Variants in TADA2A observed in about 807,000 individuals in gnomAD.
TADA2A encodes the protein transcriptional adaptor 2A, also known as transcriptional adapter 2-alpha.
TADA2A carries 38 observed loss-of-function variants against 67.4 expected under a neutral mutation model. That is an observed-to-expected ratio of 0.56 (90% CI 0.44 to 0.74). The LOEUF is 0.74. Ranked by LOEUF, TADA2A falls within the 30% of genes least tolerant of loss-of-function variation. The pLI is 0.00. For synonymous variants in TADA2A, 192 were observed against 181.6 expected (o/e 1.06, Z -0.46); for missense variants, 454 against 547.0 (o/e 0.83, Z 1.70).
chr17:37,451,607 C>T (rs1249063107), intron 8 of TADA2A, among the ~76,000 whole-genome samples: 1 of 152,154 alleles, frequency 6.6e-6, no homozygotes, highest in African/African-American at 2.4e-5. Flanking sequence ...CAGGTGTGAG[C>T]CACCATGCCT....
chr17:37,437,897 AAAGG>A, intron 5 of TADA2A, 68 bp downstream of exon 5: 5 of 1,437,964 alleles, frequency 3.5e-6, no homozygotes, highest in Non-Finnish European at 4.9e-6. Flanking sequence ...GTTGAAGAGT[AAAGG>A]AAGGAACCTC....
At chr17:37,426,744 C>A in intron 3 of TADA2A, 1 of 375,240 alleles carries the variant, frequency 2.7e-6, no homozygotes, top group Non-Finnish European at 4.8e-6. Flanking sequence ...CTTTGGGAGA[C>A]TGAGGTACAA....
chr17:37,412,594 G>A (rs976882805), intron 2 of TADA2A, among the ~76,000 whole-genome samples: 1 of 152,040 alleles, frequency 6.6e-6, no homozygotes, highest in Non-Finnish European at 1.5e-5. Flanking sequence ...GACCAGCCTG[G>A]CCAACAAGGC....
rs779874300 is a variant in TADA2A at position 37,470,560 on chromosome 17, G to A, written c.1028+28G>A. The A allele has an allele frequency of 8.7e-6, 13 of 1,491,886 alleles. No homozygotes were observed. The South Asian group carries it at 1.6e-4, about 18-fold the overall frequency. 92.4% of individuals were successfully genotyped at this position (1,491,886 alleles called of 1,614,324 possible). A position where few individuals can be genotyped will look rare whatever the true frequency, so the allele number is the denominator to read the frequency against. Reference sequence around the variant, plus strand: ...GAGTAATTACTCCAGGGTGAAGGAGGCATTCTTTCTGGGATGCCTTGGCCT... The same window carrying A: ...GAGTAATTACTCCAGGGTGAAGGAGACATTCTTTCTGGGATGCCTTGGCCT... On this transcript the variant is annotated intron_variant, in intron 13 of 15. Coordinates refer to ENST00000615182, the MANE Select transcript of TADA2A (RefSeq NM_001166105.3).
At chr17:37,427,132 C>T in intron 4 of TADA2A, 123 bp downstream of exon 4, 2 of 730,734 alleles carry the variant, frequency 2.7e-6, no homozygotes, top group Middle Eastern at 4.0e-4. Flanking sequence ...TTCTTAATCT[C>T]TGAGTATCTT....
intron 11 of TADA2A, among the ~76,000 whole-genome samples, chr17:37,467,021 G>A (rs924727837): frequency 6.6e-6 from 1 of 152,136 alleles, no homozygotes; most frequent in Non-Finnish European, 1.5e-5. Flanking sequence ...GCCGGGTGTG[G>A]TGGTAGATGC....
intron 11 of TADA2A, 113 bp from the exon 12 acceptor site, chr17:37,467,340 GA>G (rs2053686979): frequency 1.3e-6 from 1 of 790,738 alleles, no homozygotes; most frequent in African/African-American, 1.8e-5. Context: ...TTCTCCAAAT[GA>G]ACTTCCCTAG....
intron 8 of TADA2A, among the ~76,000 whole-genome samples, chr17:37,451,965 CAA>C (rs1051035018): frequency 5.3e-5 from 8 of 152,074 alleles, no homozygotes; most frequent in South Asian, 2.1e-4. Flanking sequence ...GCCTGGGCGA[CAA>C]GAGCAAAACT....
In TADA2A at chr17:37,470,542, T is replaced by TA; in HGVS notation, c.1028+11dup. ...GCCGGCAAGCTGACATGTGAGTAATTACTCCAGGGTGAAGGAGGCATTCTT... is the reference window on the plus strand; with the variant it reads ...GCCGGCAAGCTGACATGTGAGTAATTAACTCCAGGGTGAAGGAGGCATTCTT... On this transcript the variant is annotated intron_variant, in intron 13 of 15. Coordinates refer to ENST00000615182, the MANE Select transcript of TADA2A (RefSeq NM_001166105.3). 6.5e-7 allele frequency: 1 copy of TA among 1,536,116 alleles called. No homozygotes were observed. The highest frequency in any genetic ancestry group is 8.7e-7 in the Non-Finnish European group (1 of 1,144,818).
intron 11 of TADA2A, 76 bp downstream of exon 11, chr17:37,465,617 A>C (rs1273244671): frequency 1.3e-6 from 2 of 1,582,722 alleles, no homozygotes; most frequent in Non-Finnish European, 1.7e-6. Context: ...GGTGTGTTTT[A>C]TGTGAAGTTC....
At chr17:37,415,950 A>G (rs1290243474) in intron 2 of TADA2A, among the ~76,000 whole-genome samples, 2 of 151,542 alleles carry the variant, frequency 1.3e-5, no homozygotes, top group Non-Finnish European at 2.9e-5. Flanking sequence ...ACTTTTGCCA[A>G]TCTGATGGGT....
chr17:37,456,143 G>A (rs2053385122), intron 8 of TADA2A, among the ~76,000 whole-genome samples: 1 of 152,180 alleles, frequency 6.6e-6, no homozygotes. Flanking sequence ...GGCAGAGGTT[G>A]CAGTGAGCCA....
At chr17:37,462,654 A>G (rs1423421517) in intron 10 of TADA2A, among the ~76,000 whole-genome samples, 2 of 152,234 alleles carry the variant, frequency 1.3e-5, no homozygotes, top group East Asian at 3.9e-4. Context: ...ATAAATAAGC[A>G]AATAAATAAA....
intron 4 of TADA2A, among the ~76,000 whole-genome samples, chr17:37,432,075 G>T (rs1244263772): frequency 1.3e-5 from 2 of 151,728 alleles, no homozygotes; most frequent in African/African-American, 4.8e-5. Context: ...GCGTAGATTG[G>T]TTTTGCATAT....
At chr17:37,408,761 G>A (rs529175257) in intron 1 of TADA2A, among the ~76,000 whole-genome samples, 2 of 152,258 alleles carry the variant, frequency 1.3e-5, no homozygotes, top group South Asian at 2.1e-4. Flanking sequence ...TGCTGCGTTC[G>A]TAATACACCC....
At chr17:37,469,384 A>G (rs1445904283) in intron 12 of TADA2A, among the ~76,000 whole-genome samples, 3 of 151,902 alleles carry the variant, frequency 2.0e-5, no homozygotes, top group African/African-American at 7.2e-5. Context: ...CTGTAATCCC[A>G]GCACTTTGGG....
chr17:37,415,874 C>CAA lies in TADA2A; in HGVS notation c.25+4501_25+4502dup, dbSNP rs35954525. Among the ~76,000 whole-genome samples the CAA allele has an allele frequency of 1.5e-3, 159 of 105,710 alleles. 1 individual carries two copies. Among genetic ancestry groups the CAA allele is most frequent in the Middle Eastern group, 5.6e-3 (1 of 178 alleles). The allele number at this position is 105,710 out of a possible 152,430, so 69.3% of individuals were successfully genotyped here. On this transcript the variant is annotated intron_variant, in intron 2 of 15. Coordinates refer to ENST00000615182, the MANE Select transcript of TADA2A (RefSeq NM_001166105.3). ...GGGCGACAAGAGTGAAACTCCTTCT[C>CAA]AAAAAAAAAAAAAAAAAAGTGTCTA...
At chr17:37,439,029 T>G (rs2052817331) in intron 5 of TADA2A, among the ~76,000 whole-genome samples, 2 of 151,844 alleles carry the variant, frequency 1.3e-5, no homozygotes, top group Admixed American at 1.3e-4. Flanking sequence ...TTAGGGGAGG[T>G]CAAGTGAAAT....
At chr17:37,454,806 G>A in intron 8 of TADA2A, 1 of 240,786 alleles carries the variant, frequency 4.2e-6, no homozygotes. Context: ...CAAGCTAGCA[G>A]GGCTGCTAAG....
Sources: gnomAD v4.1 joint callset for allele counts (sites outside exome capture counted in the v4.1 genomes callset) on GRCh38, gnomAD v4.1.1 for gene constraint, MANE v1.5 for transcripts, NCBI Gene and HGNC (gene_info 2026-07-23, HGNC 2026-07-21) for gene names.